The following ARHGEF28 variants were observed in gnomAD, a reference collection of about 807,000 sequenced individuals.
ARHGEF28 encodes the protein 190 kDa guanine nucleotide exchange factor.
ARHGEF28 carries 152 observed loss-of-function variants against 206.6 expected under a neutral mutation model. That is an observed-to-expected ratio of 0.74 (90% confidence interval 0.64 to 0.84). The LOEUF is 0.84. ARHGEF28 is among the 40% of genes least tolerant of loss of function. The pLI is 0.00. For synonymous variants in ARHGEF28, 763 were observed against 776.4 expected (o/e 0.98, Z 0.29); for missense variants, 2,028 against 2,073.2 (o/e 0.98, Z 0.42).
intron 11 of ARHGEF28, among the ~76,000 whole-genome samples, chr5:73,844,877 A>G (rs1410518641): frequency 1.3e-5 from 2 of 151,332 alleles, no homozygotes; most frequent in African/African-American, 4.8e-5. Flanking sequence ...ACGTAATGTT[A>G]TGGAATAGAC....
At chr5:73,808,226 G>T (rs1755627411) in intron 9 of ARHGEF28, among the ~76,000 whole-genome samples, 2 of 152,018 alleles carry the variant, frequency 1.3e-5, no homozygotes, top group African/African-American at 2.4e-5. Context: ...AATTTTATGG[G>T]CTCTGTAAAA....
chr5:73,927,001 C>A (rs748736765), intron 35 of ARHGEF28, among the ~76,000 whole-genome samples: 4 of 152,040 alleles, frequency 2.6e-5, no homozygotes, highest in Non-Finnish European at 4.4e-5. Context: ...TGCCATAGCT[C>A]CTTCTTAAGA....
At chr5:73,819,275 C>T (rs1162852349) in intron 9 of ARHGEF28, among the ~76,000 whole-genome samples, 1 of 152,134 alleles carries the variant, frequency 6.6e-6, no homozygotes, top group East Asian at 1.9e-4. Context: ...ACGTTTCTTC[C>T]CTTTGCTCTT....
intron 35 of ARHGEF28, among the ~76,000 whole-genome samples, chr5:73,913,587 A>AT (rs1414971761): frequency 6.6e-6 from 1 of 151,950 alleles, no homozygotes; most frequent in Non-Finnish European, 1.5e-5. Flanking sequence ...ATCTTGGGGG[A>AT]CAGTGACTGC....
intron 9 of ARHGEF28, among the ~76,000 whole-genome samples, chr5:73,810,989 T>C (rs1309008253): frequency 1.3e-5 from 2 of 152,196 alleles, no homozygotes; most frequent in Non-Finnish European, 2.9e-5. Flanking sequence ...GATGGTATAG[T>C]AGAGGTTTAG....
chr5:73,806,620 A>G (rs548624602), intron 9 of ARHGEF28, among the ~76,000 whole-genome samples: 1 of 141,968 alleles, frequency 7.0e-6, no homozygotes, highest in Non-Finnish European at 1.5e-5. Flanking sequence ...ATCTATATAT[A>G]GTATATATCT....
chr5:73,665,732 A>G (rs1745909456), intron 1 of ARHGEF28, among the ~76,000 whole-genome samples: 2 of 152,076 alleles, frequency 1.3e-5, no homozygotes, highest in Non-Finnish European at 1.5e-5. Flanking sequence ...ACATTAATCC[A>G]TTCATGAGGG....
intron 29 of ARHGEF28, among the ~76,000 whole-genome samples, chr5:73,896,859 T>C (rs1170217182): frequency 6.6e-6 from 1 of 152,032 alleles, no homozygotes; most frequent in Non-Finnish European, 1.5e-5. Flanking sequence ...GTGACAGAGG[T>C]GCCGGGGCAG....
At chr5:73,725,930 C>T (rs1003667789) in intron 2 of ARHGEF28, among the ~76,000 whole-genome samples, 1 of 152,146 alleles carries the variant, frequency 6.6e-6, no homozygotes, top group African/African-American at 2.4e-5. Flanking sequence ...TTTCAGGGCT[C>T]AACTGCAAGA....
chr5:73,840,624 G>A lies in ARHGEF28; in HGVS notation c.1291G>A (p.Glu431Lys). The change falls in exon 11 of 36, where the codon GAA becomes AAA. Residue 431 changes from glutamate (E) to lysine (K), a missense_variant. Glu to Lys is a moderately conservative substitution (Grantham distance 56). This residue lies in a region of ARHGEF28 where 1,002 missense variants were observed against 1,015.3 expected (regional missense o/e 0.99). Coordinates refer to ENST00000513042, the MANE Select transcript of ARHGEF28 (RefSeq NM_001177693.2). ...CAGTCCCAGTGTGTACCCACTTAGT[G>A]AAAATGTCGAAGGGACAGCACACAC... The part of the protein sequence containing the change: ...ETSPSVYPLS[E>K]NVEGTAHTEA... 6.2e-7 allele frequency: 1 copy of A among 1,613,936 alleles called. No individual in the cohort carries two copies.
intron 1 of ARHGEF28, among the ~76,000 whole-genome samples, chr5:73,638,809 T>C (rs79538671): frequency 0.014 from 2,177 of 152,304 alleles, 9 homozygotes; most frequent in South Asian, 0.024. Context: ...ATGTGTTGTT[T>C]TGATAGGAAG....
intron 12 of ARHGEF28, among the ~76,000 whole-genome samples, chr5:73,847,782 C>T (rs568646575): frequency 4.6e-5 from 7 of 152,290 alleles, no homozygotes; most frequent in East Asian, 1.9e-4. Flanking sequence ...ATGGTTACCA[C>T]GTATACATGA....
At chr5:73,775,255 G>A (rs1322255335) in intron 5 of ARHGEF28, among the ~76,000 whole-genome samples, 4 of 152,314 alleles carry the variant, frequency 2.6e-5, no homozygotes, top group South Asian at 2.1e-4. Flanking sequence ...GAGAAGATAC[G>A]TGTTTTAAAT....
At chr5:73,750,005 T>C (rs778640765) in intron 3 of ARHGEF28, 21 bp downstream of exon 3, 12 of 1,610,496 alleles carry the variant, frequency 7.5e-6, no homozygotes, top group Non-Finnish European at 9.3e-6. Flanking sequence ...CTCTTTGTTG[T>C]GCAGCTGGGA....
At chr5:73,666,289 A>AG (rs1745951902) in intron 1 of ARHGEF28, among the ~76,000 whole-genome samples, 1 of 152,202 alleles carries the variant, frequency 6.6e-6, no homozygotes, top group African/African-American at 2.4e-5. Flanking sequence ...GGTCTCAGGA[A>AG]GCCCTGCCCT....
At chr5:73,738,582 C>T (rs181653056) in intron 2 of ARHGEF28, among the ~76,000 whole-genome samples, 64 of 151,680 alleles carry the variant, frequency 4.2e-4, no homozygotes, top group African/African-American at 1.4e-3. Context: ...TATTCTCGCA[C>T]GGATGCTGGC....
At chr5:73,668,766 A>AACCTTCTATTGGAAG (rs1746128079) in intron 1 of ARHGEF28, among the ~76,000 whole-genome samples, 1 of 151,416 alleles carries the variant, frequency 6.6e-6, no homozygotes, top group Non-Finnish European at 1.5e-5. Flanking sequence ...TTACTTGGAA[A>AACCTTCTATTGGAAG]CCCTTCTAAG....
At chr5:73,928,970 C>T (rs547598588) in intron 35 of ARHGEF28, among the ~76,000 whole-genome samples, 13 of 152,308 alleles carry the variant, frequency 8.5e-5, no homozygotes, top group Admixed American at 6.5e-4. Flanking sequence ...GAGTCTCGCT[C>T]TGTCACCCAT....
At chr5:73,933,269 T>C (rs930701956) in intron 35 of ARHGEF28, among the ~76,000 whole-genome samples, 1 of 152,238 alleles carries the variant, frequency 6.6e-6, no homozygotes, top group Non-Finnish European at 1.5e-5. Context: ...CTGTTTTACA[T>C]AGGAGATGTT....
Sources: allele counts gnomAD v4.1 joint callset (sites outside exome capture counted in the v4.1 genomes callset), GRCh38; gene constraint gnomAD v4.1.1; regional missense constraint gnomAD v4.1.1; transcripts MANE v1.5; gene names NCBI Gene and HGNC (gene_info 2026-07-23, HGNC 2026-07-21).